USP34: variants seen among roughly 807,000 people sequenced by gnomAD.
USP34 encodes the protein ubiquitin carboxyl-terminal hydrolase 34.
A neutral mutation model predicts 460.3 loss-of-function variants in USP34; 70 were observed. That is an observed-to-expected ratio of 0.15 (90% confidence interval 0.13 to 0.19). The LOEUF is 0.19. Ranked by LOEUF, USP34 falls within the 10% of genes least tolerant of loss-of-function variation. USP34 has a pLI of 1.00. For synonymous variants in USP34, 1,647 were observed against 1,405.3 expected (o/e 1.17, Z -3.85); for missense variants, 3,985 against 4,236.2 (o/e 0.94, Z 1.65).
chr2:61,345,436 G>C (rs1275447657), intron 15 of USP34, among the ~76,000 whole-genome samples: 2 of 152,142 alleles, frequency 1.3e-5, no homozygotes, highest in African/African-American at 4.8e-5. Context: ...TTGCATTCTG[G>C]AAGATCTGGC....
At chr2:61,375,109 G>T (rs951609009) in intron 8 of USP34, among the ~76,000 whole-genome samples, 3 of 152,104 alleles carry the variant, frequency 2.0e-5, no homozygotes, top group African/African-American at 7.2e-5. Flanking sequence ...ACAATATTGT[G>T]AATGAAGAAA....
At chr2:61,200,985 G>A (rs1368450636) in intron 75 of USP34, among the ~76,000 whole-genome samples, 1 of 151,884 alleles carries the variant, frequency 6.6e-6, no homozygotes, top group Non-Finnish European at 1.5e-5. Context: ...CCAATTTTCT[G>A]TATTAACCAA....
At chr2:61,331,196 A>G (rs1199081242) in intron 20 of USP34, 80 bp downstream of exon 20, 4 of 1,240,566 alleles carry the variant, frequency 3.2e-6, no homozygotes, top group Non-Finnish European at 4.4e-6. Context: ...TATATGAAAA[A>G]AAGTTAAAAC....
At chr2:61,210,559 G>A (rs1191512918) in intron 69 of USP34, among the ~76,000 whole-genome samples, 4 of 152,056 alleles carry the variant, frequency 2.6e-5, no homozygotes, top group African/African-American at 9.7e-5. Flanking sequence ...ATGTAACCCT[G>A]TTGTTATGCA....
chr2:61,434,164 T>C (rs1195005224), intron 1 of USP34, among the ~76,000 whole-genome samples: 2 of 152,050 alleles, frequency 1.3e-5, no homozygotes. Context: ...AGAAAAAGGC[T>C]CCTAGCACCT....
At chr2:61,460,625 T>C (rs1695570616) in intron 1 of USP34, among the ~76,000 whole-genome samples, 4 of 138,716 alleles carry the variant, frequency 2.9e-5, no homozygotes. Context: ...TCCACTTGGA[T>C]AAGGGGGGAA....
intron 66 of USP34, 70 bp from the exon 67 acceptor site, chr2:61,220,527 T>A: frequency 4.3e-6 from 6 of 1,408,378 alleles, no homozygotes; most frequent in Non-Finnish European, 5.7e-6. Flanking sequence ...TTACTTTTTG[T>A]ATATGCTATT....
intron 10 of USP34, among the ~76,000 whole-genome samples, chr2:61,370,002 A>C (rs554005401): frequency 1.2e-3 from 173 of 144,744 alleles, no homozygotes; most frequent in Non-Finnish European, 2.0e-3. Context: ...AAAAAAAAAA[A>C]CAGTACATCA....
At chr2:61,432,837 T>C (rs1356324544) in intron 1 of USP34, among the ~76,000 whole-genome samples, 4 of 151,978 alleles carry the variant, frequency 2.6e-5, no homozygotes, top group African/African-American at 9.7e-5. Context: ...TGACTCTAGA[T>C]ATCTAAAACT....
chr2:61,207,062 T>A, intron 70 of USP34, 176 bp from the exon 71 acceptor site: 1 of 590,556 alleles, frequency 1.7e-6, no homozygotes, highest in Non-Finnish European at 2.9e-6. Flanking sequence ...TAAGCTCTTT[T>A]AAACATTCCT....
chr2:61,277,729 G>T (rs1689412882), intron 41 of USP34: 1 of 155,012 alleles, frequency 6.5e-6, no homozygotes, highest in Non-Finnish European at 1.4e-5. Flanking sequence ...ATACAGTTTG[G>T]CCGTGTCTCC....
intron 70 of USP34, chr2:61,208,671 T>C (rs1052801621): frequency 1.8e-4 from 51 of 281,264 alleles, no homozygotes; most frequent in Non-Finnish European, 3.3e-4. Flanking sequence ...CTGTTCTAAA[T>C]ACAAAATAAT....
chr2:61,437,824 G>T (rs1195427790), intron 1 of USP34, among the ~76,000 whole-genome samples: 1 of 90,824 alleles, frequency 1.1e-5, no homozygotes, highest in Non-Finnish European at 2.4e-5. Flanking sequence ...TAAAAAACCT[G>T]AACAGACCAA....
At position 61,236,011 on chromosome 2, in the gene USP34, G is replaced by A; in HGVS notation, c.6966+15C>T. The A allele has an allele frequency of 6.2e-7, 1 of 1,604,816 alleles. No individual in the cohort carries two copies. Among genetic ancestry groups the A allele is most frequent in the Non-Finnish European group, 8.5e-7 (1 of 1,177,508 alleles). Reference sequence around the variant, plus strand: ...AACATAAATGACAAAAAAATCCATAGTAGAAAACACATACCTTTTCTTTAG... The same window carrying A: ...AACATAAATGACAAAAAAATCCATAATAGAAAACACATACCTTTTCTTTAG... On this transcript the variant is annotated intron_variant, in intron 56 of 79. Transcript: ENST00000398571.
In USP34 at chr2:61,370,333, C is replaced by T; in HGVS notation, c.1239G>A (p.Trp413Ter). 6.2e-7 allele frequency: 1 copy of T among 1,613,946 alleles called. No homozygotes were observed. The highest frequency in any genetic ancestry group is 8.5e-7 in the Non-Finnish European group (1 of 1,179,922). ...RLSTQHIDCI[W>*]AAAQLKHCSR... The stretch of plus-strand genomic sequence containing the variant: ...CTGTTAATATTACCTGTGCTGCAGC[C>T]CAAATACAGTCAATATGTTGAGTAC... The change falls in exon 10 of 80, where the codon TGG becomes TGA. Residue 413 changes from tryptophan (W) to a stop codon, truncating the protein, a stop_gained. Transcript: ENST00000398571. LOFTEE classifies it high-confidence loss of function.
chr2:61,315,272 G>A (rs1462342878), intron 23 of USP34, among the ~76,000 whole-genome samples: 1 of 151,948 alleles, frequency 6.6e-6, no homozygotes, highest in East Asian at 1.9e-4. Context: ...ACAATAACGA[G>A]CACAATGCTT....
chr2:61,208,061 T>G (rs1003680657), intron 70 of USP34: 1 of 152,344 alleles, frequency 6.6e-6, no homozygotes, highest in Non-Finnish European at 1.5e-5. Context: ...CAGCTGATTT[T>G]AACCCTGTAA....
At chr2:61,237,111 T>C (rs748647278) in intron 53 of USP34, among the ~76,000 whole-genome samples, 9 of 152,146 alleles carry the variant, frequency 5.9e-5, no homozygotes, top group Admixed American at 4.6e-4. Context: ...TAGAACTTAA[T>C]AGGGTTCCTG....
chr2:61,405,703 C>A lies in USP34; in HGVS notation c.552+5G>T. On this transcript the variant is annotated splice_donor_5th_base_variant and intron_variant, in intron 3 of 79. Coordinates refer to ENST00000398571, the MANE Select transcript of USP34 (RefSeq NM_014709.4). ...CTTAAAATTCACACCACCTATTTTA[C>A]ATACCTCAATAGTAGGGTGAGTATT... 1.3e-6 allele frequency: 2 copies of A among 1,519,466 alleles called. No individual in the cohort carries two copies. The highest frequency in any genetic ancestry group is 1.8e-6 in the Non-Finnish European group (2 of 1,137,732). 94.1% of individuals were successfully genotyped at this position (1,519,466 alleles called of 1,614,324 possible).
Sources: allele counts gnomAD v4.1 joint callset (sites outside exome capture counted in the v4.1 genomes callset), GRCh38; gene constraint gnomAD v4.1.1; transcripts MANE v1.5; gene names NCBI Gene and HGNC (gene_info 2026-07-23, HGNC 2026-07-21).